Variants in HAVCR1 observed in about 807,000 individuals in gnomAD.
HAVCR1 encodes hepatitis A virus cellular receptor 1, also known as T cell immunoglobin domain and mucin domain protein 1.
In HAVCR1, 34 loss-of-function variants were observed where a neutral mutation model predicts 32.0. The ratio of observed to expected loss-of-function variants is 1.06; its 90% CI spans 0.81 to 1.42. The LOEUF (loss-of-function observed/expected upper bound fraction) is 1.42, where lower values mean the gene tolerates loss of function less well. Among genes scored for constraint, HAVCR1 ranks in the 40% most tolerant of loss-of-function variants. HAVCR1 has a pLI of 0.00. For missense variants in HAVCR1, 420 were observed against 442.3 expected (o/e 0.95, Z 0.45); for synonymous variants, 178 against 170.3 (o/e 1.05, Z -0.35).
At chr5:157,031,378 G>A (rs1754160907) in intron 8 of HAVCR1, among the ~76,000 whole-genome samples, 1 of 152,200 alleles carries the variant, frequency 6.6e-6, no homozygotes. Flanking sequence ...AAGTAAGAGG[G>A]ATAGATTCTG....
At position 157,055,447 on chromosome 5, in the gene HAVCR1, T is replaced by C. The variant is rs201914430; in HGVS notation, c.133A>G (p.Met45Val). Reference protein sequence around the residue: ...PCHYSGAVTSMCWNRGSCSLF... With the variant: ...PCHYSGAVTSVCWNRGSCSLF... ...GAACATGAGCCTCTATTCCAGCACATGGATGTGACAGCTCCACTGTAGTGG... is the reference window on the plus strand; with the variant it reads ...GAACATGAGCCTCTATTCCAGCACACGGATGTGACAGCTCCACTGTAGTGG... The change falls in exon 3 of 9, where the codon ATG becomes GTG. Residue 45 changes from methionine to valine, a missense_variant. Met to Val is a conservative substitution (Grantham distance 21). Transcript: ENST00000523175. The C allele has an allele frequency of 8.0e-5, 129 of 1,611,982 alleles. No homozygotes were observed. Among genetic ancestry groups the C allele is most frequent in the African/African-American group, 2.1e-4 (16 of 75,028 alleles).
In HAVCR1 at chr5:157,032,905, GGA is replaced by G; in HGVS notation, c.953-20_953-19del. On this transcript the variant is annotated intron_variant, in intron 7 of 8. Coordinates refer to ENST00000523175, the MANE Select transcript of HAVCR1 (RefSeq NM_001173393.3). ...GAAATACTCTAAATTGAAGGGGTGG[GGA>G]GAGAGGAGTTGAAGAGAAAACTAAA... 1 of 1,512,682 alleles carries G rather than the reference GGA, an allele frequency of 6.6e-7. No individual in the cohort carries two copies. Among genetic ancestry groups the G allele is most frequent in the Non-Finnish European group, 9.0e-7 (1 of 1,108,750 alleles). The allele number at this position is 1,512,682 out of a possible 1,614,324, so 93.7% of individuals were successfully genotyped here. A position where few individuals can be genotyped will look rare whatever the true frequency, so the allele number is the denominator to read the frequency against.
chr5:157,053,382 T>TAAAAAAA (rs10654856), intron 3 of HAVCR1, among the ~76,000 whole-genome samples: 11 of 116,798 alleles, frequency 9.4e-5, no homozygotes, highest in East Asian at 8.2e-4. Context: ...GACCCTGTCT[T>TAAAAAAA]AAAAAAAAAA....
chr5:157,029,785 A>C lies in HAVCR1; in HGVS notation c.1043T>G (p.Val348Gly). ...AATGTAGATATTGTCTTCTGCTTGG[A>C]CTTCCTTTTCAACTGCATTTTGCAA... Reference protein sequence around the residue: ...KALQNAVEKEVQAEDNIYIEN... With the variant: ...KALQNAVEKEGQAEDNIYIEN... Residue 348 changes from valine (V) to glycine (G), a missense_variant, in exon 9 of 9, where the codon GTC (valine) becomes GGC (glycine). Transcript: ENST00000523175. 6.2e-7 allele frequency: 1 copy of C among 1,612,006 alleles called. No homozygotes were observed. The highest frequency in any genetic ancestry group is 2.2e-5 in the East Asian group (1 of 44,828).
intron 4 of HAVCR1, among the ~76,000 whole-genome samples, chr5:157,049,776 G>A (rs1216489832): frequency 2.0e-5 from 3 of 152,184 alleles, no homozygotes; most frequent in Non-Finnish European, 4.4e-5. Context: ...TTCCTGGCAG[G>A]ACCTGACCCC....
chr5:157,061,979 G>A (rs1463363282), upstream of HAVCR1, among the ~76,000 whole-genome samples: 1 of 152,102 alleles, frequency 6.6e-6, no homozygotes, highest in Non-Finnish European at 1.5e-5. Flanking sequence ...CATGAGAGAC[G>A]CCTGTGTTCT....
chr5:157,049,047 A>G lies in HAVCR1; in HGVS notation c.772T>C (p.Tyr258His). 6.3e-7 allele frequency: 1 copy of G among 1,578,534 alleles called. No homozygotes were observed. Among genetic ancestry groups the G allele is most frequent in the Non-Finnish European group, 8.7e-7 (1 of 1,147,554 alleles). Residue 258 changes from tyrosine to histidine, a missense_variant, in exon 5 of 9, where the codon TAC (tyrosine) becomes CAC (histidine). Physicochemically the swap from Tyr to His is moderately conservative, Grantham distance 83. Coordinates refer to ENST00000523175, the MANE Select transcript of HAVCR1 (RefSeq NM_001173393.3). ...REPTSSPLYSYTTDGNDTVTE... is the reference protein window; with the variant it reads ...REPTSSPLYSHTTDGNDTVTE... ...AAGAGAACGCAGTTACCTGTTGTGT[A>G]AGAGTACAATGGTGAGCTGGTGGGT...
At chr5:157,037,495 C>T (rs1754609979) in intron 6 of HAVCR1, 134 bp from the exon 7 acceptor site, 1 of 591,732 alleles carries the variant, frequency 1.7e-6, no homozygotes, top group South Asian at 2.2e-5. Flanking sequence ...AGGGTAAGAC[C>T]AAATGATCTC....
At chr5:157,033,546 T>C (rs1210635444) in intron 7 of HAVCR1, among the ~76,000 whole-genome samples, 1 of 123,834 alleles carries the variant, frequency 8.1e-6, no homozygotes, top group African/African-American at 3.1e-5. Context: ...TCCCCAGATA[T>C]CTCGATATCT....
chr5:157,052,783 T>C, intron 3 of HAVCR1, 129 bp from the exon 4 acceptor site: 1 of 777,500 alleles, frequency 1.3e-6, no homozygotes, highest in Non-Finnish European at 2.2e-6. Context: ...GAACTGTCAA[T>C]CTTGGTCATT....
At chr5:157,032,171 T>C (rs555157793) in intron 8 of HAVCR1, among the ~76,000 whole-genome samples, 2 of 152,318 alleles carry the variant, frequency 1.3e-5, no homozygotes, top group African/African-American at 4.8e-5. Context: ...TAATAGCCAA[T>C]AACACTCAGT....
At chr5:157,057,764 T>C (rs1756301628) in intron 2 of HAVCR1, 134 bp downstream of exon 2, 2 of 694,604 alleles carry the variant, frequency 2.9e-6, no homozygotes, top group East Asian at 2.6e-5. Context: ...AGTTAACTCA[T>C]AGCCATACAA....
At chr5:157,067,820 G>A in the HAVCR1 span, among the ~76,000 whole-genome samples, 1 of 152,092 alleles carries the variant, frequency 6.6e-6, no homozygotes, top group Non-Finnish European at 1.5e-5. Context: ...GGAATTACAG[G>A]CATGTGCCAC....
Position 157,055,371 on chromosome 5 carries a change from G to C in HAVCR1, c.209C>G (p.Thr70Ser), listed in dbSNP as rs745465901. The change falls in exon 3 of 9, where the codon ACC becomes AGC. Residue 70 changes from threonine to serine, a missense_variant. Physicochemically the swap from Thr to Ser is moderately conservative, Grantham distance 58. Transcript: ENST00000523175. ...CTTATAGCGTGTGTCCTTCCGATAG[G>C]TGACGTGGGTTCCATTGGTCCAGAC... The part of the protein sequence containing the change: ...GIVWTNGTHV[T>S]YRKDTRYKLL... 6.2e-7 allele frequency: 1 copy of C among 1,613,904 alleles called. No individual in the cohort carries two copies. Among genetic ancestry groups the C allele is most frequent in the Non-Finnish European group, 8.5e-7 (1 of 1,179,786 alleles).
At chr5:157,063,934 A>C (rs1244947930), upstream of HAVCR1, among the ~76,000 whole-genome samples, 1 of 152,260 alleles carries the variant, frequency 6.6e-6, no homozygotes, top group Non-Finnish European at 1.5e-5. Flanking sequence ...TTTACAGGGC[A>C]AGAGAGGCCA....
At chr5:157,036,042 C>A (rs1279900150) in intron 7 of HAVCR1, among the ~76,000 whole-genome samples, 3 of 152,126 alleles carry the variant, frequency 2.0e-5, no homozygotes, top group African/African-American at 4.8e-5. Context: ...CTGAGGAACA[C>A]CTGTATTTAG....
chr5:157,055,575 T>C, intron 2 of HAVCR1, 42 bp from the exon 3 acceptor site: 1 of 1,270,734 alleles, frequency 7.9e-7, no homozygotes, highest in Non-Finnish European at 1.1e-6. Context: ...GCCCTCACTA[T>C]TTCATCTTGG....
chr5:157,040,231 G>T (rs1205858950), intron 6 of HAVCR1, among the ~76,000 whole-genome samples: 1 of 151,914 alleles, frequency 6.6e-6, no homozygotes, highest in Non-Finnish European at 1.5e-5. Flanking sequence ...CTGGGAGGCG[G>T]AGGTTGCAGT....
intron 2 of HAVCR1, among the ~76,000 whole-genome samples, chr5:157,056,596 G>A (rs1432137910): frequency 1.3e-5 from 2 of 150,834 alleles, no homozygotes; most frequent in Admixed American, 1.3e-4. Context: ...TAGCCAGGAT[G>A]GTCTCGATTT....
Sources: gnomAD v4.1 joint callset for allele counts (sites outside exome capture counted in the v4.1 genomes callset) on GRCh38, gnomAD v4.1.1 for gene constraint, MANE v1.5 for transcripts, NCBI Gene and HGNC (gene_info 2026-07-23, HGNC 2026-07-21) for gene names.